Variants in TMEM178B observed in about 807,000 individuals in gnomAD.
The protein encoded by TMEM178B is transmembrane protein 178B.
In TMEM178B, 5 loss-of-function variants were observed where a neutral mutation model predicts 31.0. The observed-to-expected ratio is 0.16, with a 90% CI of 0.08 to 0.34. The LOEUF (loss-of-function observed/expected upper bound fraction) is 0.34. Among genes scored for constraint, TMEM178B ranks in the 10% least tolerant of loss-of-function variants. TMEM178B has a pLI of 1.00. For synonymous variants in TMEM178B, 164 were observed against 164.0 expected (o/e 1.00, Z 0.00); for missense variants, 275 against 400.3 (o/e 0.69, Z 2.67).
At position 141,074,238 on chromosome 7, in the gene TMEM178B, T is replaced by C; in HGVS notation, c.-73T>C. The C allele has an allele frequency of 3.5e-6, 5 of 1,441,996 alleles. No homozygotes were observed. Among genetic ancestry groups the C allele is most frequent in the Non-Finnish European group, 4.5e-6 (5 of 1,100,206 alleles). The allele number at this position is 1,441,996 out of a possible 1,614,324, so 89.3% of individuals were successfully genotyped here. ...CTCCCCCAGCTCGGCCGCCCGCCGC[T>C]TTGTTCCGGGTGCGGCGAGGGAAGG... On this transcript the variant is annotated 5_prime_UTR_variant, in exon 1 of 4. Coordinates refer to ENST00000565468, the MANE Select transcript of TMEM178B (RefSeq NM_001195278.2). This position sits in a 1 kb window ranked among gnomAD's most constrained non-coding sequence, Gnocchi z 5.1.
chr7:141,378,606 G>A (rs1800260155), intron 2 of TMEM178B, among the ~76,000 whole-genome samples: 2 of 152,282 alleles, frequency 1.3e-5, no homozygotes, highest in Non-Finnish European at 2.9e-5. Context: ...GTGGTACCTG[G>A]GGCATAAAGC....
At chr7:141,299,761 C>T (rs1798692997) in intron 2 of TMEM178B, among the ~76,000 whole-genome samples, 1 of 152,142 alleles carries the variant, frequency 6.6e-6, no homozygotes, top group African/African-American at 2.4e-5. Context: ...GAAATCAGTT[C>T]TGTGAGGTCC....
intron 1 of TMEM178B, chr7:141,173,063 T>C (rs1051953521): frequency 1.3e-5 from 2 of 152,184 alleles, no homozygotes; most frequent in Admixed American, 1.3e-4. Context: ...AATGTGGTAT[T>C]GAGAAAAGTG....
intron 1 of TMEM178B, among the ~76,000 whole-genome samples, chr7:141,151,970 C>T (rs1317289660): frequency 2.0e-5 from 3 of 152,120 alleles, no homozygotes; most frequent in African/African-American, 7.2e-5. Context: ...GGACAGTGTG[C>T]TACAGTGGGG....
intron 2 of TMEM178B, among the ~76,000 whole-genome samples, chr7:141,420,192 GCC>G (rs35162161): frequency 2.0e-5 from 3 of 150,134 alleles, no homozygotes; most frequent in Non-Finnish European, 1.5e-5. Flanking sequence ...ATTTATCACT[GCC>G]CCCCCCCACT....
intron 1 of TMEM178B, among the ~76,000 whole-genome samples, chr7:141,158,777 C>G (rs1339923308): frequency 6.6e-6 from 1 of 152,074 alleles, no homozygotes; most frequent in African/African-American, 2.4e-5. Flanking sequence ...GAGATGCGGT[C>G]TGACTTCCTG....
At chr7:141,350,682 A>G (rs1168537760) in intron 2 of TMEM178B, among the ~76,000 whole-genome samples, 1 of 152,194 alleles carries the variant, frequency 6.6e-6, no homozygotes, top group Non-Finnish European at 1.5e-5. Flanking sequence ...ACCAGGTTAA[A>G]TTTTTTAATT....
At chr7:141,112,596 A>T (rs1428031629) in intron 1 of TMEM178B, among the ~76,000 whole-genome samples, 2 of 152,234 alleles carry the variant, frequency 1.3e-5, no homozygotes, top group Non-Finnish European at 2.9e-5. Flanking sequence ...ATCTGTTAAT[A>T]GTCTCAGGCC....
chr7:141,180,415 G>A (rs527251797), intron 1 of TMEM178B, among the ~76,000 whole-genome samples: 3 of 138,378 alleles, frequency 2.2e-5, no homozygotes, highest in Admixed American at 7.9e-5. Context: ...AGCTGAGATC[G>A]CACCACTGCG....
At chr7:141,357,627 A>G (rs1468184722) in intron 2 of TMEM178B, among the ~76,000 whole-genome samples, 3 of 152,334 alleles carry the variant, frequency 2.0e-5, no homozygotes, top group South Asian at 2.1e-4. Flanking sequence ...AGATATTTTC[A>G]TATCATGTTA....
At chr7:141,437,986 T>G (rs1350612268) in intron 3 of TMEM178B, among the ~76,000 whole-genome samples, 1 of 152,204 alleles carries the variant, frequency 6.6e-6, no homozygotes, top group Admixed American at 6.5e-5. Flanking sequence ...GCTGACTGCC[T>G]GTGTGGAAGA....
At chr7:141,482,573 A>AT (rs1311251196), downstream of TMEM178B, among the ~76,000 whole-genome samples, 1 of 152,186 alleles carries the variant, frequency 6.6e-6, no homozygotes, top group Non-Finnish European at 1.5e-5. Context: ...CCACAAGTGG[A>AT]TTCTTGGTGG....
chr7:141,243,116 TAAAC>T (rs1331114827), intron 2 of TMEM178B, among the ~76,000 whole-genome samples: 13 of 152,172 alleles, frequency 8.5e-5, no homozygotes, highest in Non-Finnish European at 1.3e-4. Context: ...AAGTAAAACT[TAAAC>T]AAACCCCAAA....
At chr7:141,504,867 A>C in the TMEM178B span, among the ~76,000 whole-genome samples, 17 of 152,250 alleles carry the variant, frequency 1.1e-4, no homozygotes, top group Non-Finnish European at 2.5e-4. Context: ...TGAGTGCTTA[A>C]CAAAATGCAG....
chr7:141,507,571 C>T, the TMEM178B span, among the ~76,000 whole-genome samples: 14 of 152,154 alleles, frequency 9.2e-5, no homozygotes, highest in Admixed American at 2.6e-4. Flanking sequence ...AGGGTTTTAC[C>T]ATGTTTTCCA....
At chr7:141,417,608 A>C (rs1390413994) in intron 2 of TMEM178B, among the ~76,000 whole-genome samples, 1 of 152,114 alleles carries the variant, frequency 6.6e-6, no homozygotes, top group African/African-American at 2.4e-5. Flanking sequence ...GTGACTTGGG[A>C]AGAGGAAAGG....
intron 2 of TMEM178B, among the ~76,000 whole-genome samples, chr7:141,373,377 C>G (rs190405249): frequency 2.0e-5 from 3 of 152,166 alleles, no homozygotes; most frequent in Non-Finnish European, 4.4e-5. Context: ...CAGTATGGAG[C>G]CACAGTTGGA....
chr7:141,457,938 A>G (rs75068282), intron 3 of TMEM178B, among the ~76,000 whole-genome samples: 5,817 of 152,336 alleles, frequency 0.038, 158 homozygotes, highest in Admixed American at 0.063. Context: ...ATAGGTATAA[A>G]ACTTACAAAA....
intron 2 of TMEM178B, among the ~76,000 whole-genome samples, chr7:141,390,735 C>T (rs1471895310): frequency 2.0e-5 from 3 of 152,212 alleles, no homozygotes; most frequent in African/African-American, 2.4e-5. Flanking sequence ...AGCTCTCAAT[C>T]CCATTTTACT....
Sources: allele counts gnomAD v4.1 joint callset (sites outside exome capture counted in the v4.1 genomes callset), GRCh38; gene constraint gnomAD v4.1.1; non-coding constraint Gnocchi (gnomAD v3.1); transcripts MANE v1.5; gene names NCBI Gene and HGNC (gene_info 2026-07-23, HGNC 2026-07-21).